PTCD1: variants seen among roughly 807,000 people sequenced by gnomAD.
PTCD1 encodes the protein pentatricopeptide repeat-containing protein 1, mitochondrial.
A neutral mutation model predicts 53.4 loss-of-function variants in PTCD1; 50 were observed. The observed-to-expected ratio is 0.94, with a 90% CI of 0.75 to 1.19. The LOEUF is 1.19. PTCD1 is among the 50% of genes most tolerant of loss of function. The pLI is 0.00. For synonymous variants in PTCD1, 413 were observed against 394.8 expected (o/e 1.05, Z -0.55); for missense variants, 918 against 904.8 (o/e 1.01, Z -0.19).
Position 99,419,678 on chromosome 7 carries a change from A to G in PTCD1, c.*289T>C. 2.9e-6 allele frequency: 2 copies of G among 698,308 alleles called. No individual in the cohort carries two copies. The highest frequency in any genetic ancestry group is 2.9e-5 in the Admixed American group (1 of 34,454). 43.3% of individuals were successfully genotyped at this position (698,308 alleles called of 1,614,324 possible). On this transcript the variant is annotated 3_prime_UTR_variant, in exon 8 of 8. Transcript: ENST00000292478. The stretch of plus-strand genomic sequence containing the variant: ...AACCCGGCGGGGCGGCCCAGGCCCC[A>G]GGGACCAGATGCCCCAGCCCCCTTG...
chr7:99,435,201 G>A lies in PTCD1; in HGVS notation c.42C>T (p.Arg14=). 1 of 1,604,560 alleles carries A rather than the reference G, an allele frequency of 6.2e-7. No homozygotes were observed. Among genetic ancestry groups the A allele is most frequent in the Admixed American group, 1.7e-5 (1 of 60,016 alleles). Reference sequence around the variant, plus strand: ...GTTGCAGGATGAACAGTCCCATGGGGCGGGCCCTGGCGAACAGTCGAGCGA... The same window carrying A: ...GTTGCAGGATGAACAGTCCCATGGGACGGGCCCTGGCGAACAGTCGAGCGA... ...VRLARLFARA[R]PMGLFILQHL... The change falls in exon 2 of 8, where the codon CGC becomes CGT. Residue 14 remains arginine, a synonymous_variant. Transcript: ENST00000292478.
chr7:99,429,872 C>A, intron 3 of PTCD1, 66 bp from the exon 4 acceptor site: 1 of 1,592,666 alleles, frequency 6.3e-7, no homozygotes. Flanking sequence ...AGCAGCTGCC[C>A]CAGAGGAGGC....
chr7:99,429,622 C>T lies in PTCD1; in HGVS notation c.779G>A (p.Cys260Tyr), dbSNP rs1229757859. ...YHALLKMAAK[C>Y]ADLRMCLDVF... Reference sequence around the variant, plus strand: ...ATCGAGGCACATCCTAAGGTCTGCGCACTTGGCAGCCATCTTCAGCAGCGC... The same window carrying T: ...ATCGAGGCACATCCTAAGGTCTGCGTACTTGGCAGCCATCTTCAGCAGCGC... The change falls in exon 4 of 8, where the codon TGC becomes TAC. Residue 260 changes from cysteine to tyrosine, a missense_variant. Physicochemically the swap from Cys to Tyr is radical, Grantham distance 194 (BLOSUM62 -2). Coordinates refer to ENST00000292478, the MANE Select transcript of PTCD1 (RefSeq NM_015545.4). 6.2e-7 allele frequency: 1 copy of T among 1,614,238 alleles called. No homozygotes were observed. The highest frequency in any genetic ancestry group is 8.5e-7 in the Non-Finnish European group (1 of 1,180,048).
intron 3 of PTCD1, among the ~76,000 whole-genome samples, chr7:99,430,127 G>C (rs1796201930): frequency 6.6e-6 from 1 of 152,224 alleles, no homozygotes; most frequent in Non-Finnish European, 1.5e-5. Flanking sequence ...CCCGTCAAGG[G>C]GAAAGGGCCT....
chr7:99,436,769 A>G (rs1796482966), intron 1 of PTCD1, among the ~76,000 whole-genome samples: 1 of 152,212 alleles, frequency 6.6e-6, no homozygotes, highest in Non-Finnish European at 1.5e-5. Flanking sequence ...TGTCCTGACC[A>G]GCACCTTTTG....
At position 99,425,443 on chromosome 7, in the gene PTCD1, T is replaced by C; in HGVS notation, c.1089A>G (p.Pro363=). 1 of 1,613,940 alleles carries C rather than the reference T, an allele frequency of 6.2e-7. No individual in the cohort carries two copies. The highest frequency in any genetic ancestry group is 8.5e-7 in the Non-Finnish European group (1 of 1,180,000). The part of the protein sequence containing the change: ...VLQPPVSRQR[P]RRTAQAKAGN... ...CTGCCTTGGCCTGGGCTGTCCTCCT[T>C]GGCCGCTGCCTGCTCACTGGGGGCT... Residue 363 remains proline (P), a synonymous_variant, in exon 6 of 8, where the codon CCA becomes CCG. Coordinates refer to ENST00000292478, the MANE Select transcript of PTCD1 (RefSeq NM_015545.4).
At position 99,417,919 on chromosome 7, in the gene PTCD1, GT is replaced by G. The variant is rs1488325139; in HGVS notation, c.*2047del. ...GACATCAGGGAAGGACAACCAGTGA[GT>G]TCCTGTCCCTTTCAGTCCTCACAGT... On this transcript the variant is annotated 3_prime_UTR_variant, in exon 8 of 8. Transcript: ENST00000292478. 7.7e-7 allele frequency: 1 copy of G among 1,293,100 alleles called. No individual in the cohort carries two copies. Among genetic ancestry groups the G allele is most frequent in the Non-Finnish European group, 9.9e-7 (1 of 1,009,990 alleles). The allele number at this position is 1,293,100 out of a possible 1,614,324, so 80.1% of individuals were successfully genotyped here. A position where few individuals can be genotyped will look rare whatever the true frequency, so the allele number is the denominator to read the frequency against.
chr7:99,423,750 G>T, intron 7 of PTCD1, 25 bp downstream of exon 7: 1 of 1,613,318 alleles, frequency 6.2e-7, no homozygotes, highest in South Asian at 1.1e-5. Context: ...AGGAGCTGAT[G>T]AGCTTTTGAG....
At chr7:99,428,714 A>G (rs925947068) in intron 5 of PTCD1, among the ~76,000 whole-genome samples, 1 of 152,150 alleles carries the variant, frequency 6.6e-6, no homozygotes, top group African/African-American at 2.4e-5. Flanking sequence ...CAGCCTGGGC[A>G]AGAGTGAGAC....
At chr7:99,434,145 C>G (rs1032985630) in intron 2 of PTCD1, among the ~76,000 whole-genome samples, 3 of 151,420 alleles carry the variant, frequency 2.0e-5, no homozygotes, top group Non-Finnish European at 4.4e-5. Context: ...ACAGGTGGTA[C>G]GAACAAAACT....
intron 3 of PTCD1, among the ~76,000 whole-genome samples, chr7:99,431,810 G>A (rs1796263813): frequency 6.6e-6 from 1 of 152,194 alleles, no homozygotes; most frequent in South Asian, 2.1e-4. Context: ...GAAAGAAGTA[G>A]ACACAAGAAA....
At chr7:99,438,566 C>A in intron 1 of PTCD1, 126 bp downstream of exon 1, 2 of 1,132,116 alleles carry the variant, frequency 1.8e-6, no homozygotes, top group Non-Finnish European at 2.2e-6. Flanking sequence ...TCCACACGGA[C>A]TTCTGCAGCC....
At chr7:99,435,759 C>G (rs183101979) in intron 1 of PTCD1, among the ~76,000 whole-genome samples, 21 of 151,790 alleles carry the variant, frequency 1.4e-4, no homozygotes, top group Admixed American at 3.9e-4. Flanking sequence ...CCTGGCGACA[C>G]CCCATCTCTA....
At position 99,429,551 on chromosome 7, in the gene PTCD1, C is replaced by T. The variant is rs548123836; in HGVS notation, c.813+37G>A. 1.4e-5 allele frequency: 23 copies of T among 1,613,998 alleles called. No homozygotes were observed. The South Asian group carries it at 2.5e-4, about 18-fold the overall frequency. On this transcript the variant is annotated intron_variant, in intron 4 of 7. Coordinates refer to ENST00000292478, the MANE Select transcript of PTCD1 (RefSeq NM_015545.4). ...CCTGCCCCTGACACGTGGGACCAGCCCCATGAAGGGGAGCAGGACGGCAGG... is the reference window on the plus strand; with the variant it reads ...CCTGCCCCTGACACGTGGGACCAGCTCCATGAAGGGGAGCAGGACGGCAGG...
chr7:99,424,065 G>T, intron 6 of PTCD1, 108 bp from the exon 7 acceptor site: 1 of 1,481,090 alleles, frequency 6.8e-7, no homozygotes. Flanking sequence ...GCCAGGGCCA[G>T]CAAGGCAAAC....
intron 4 of PTCD1, 69 bp downstream of exon 4, chr7:99,429,516 ACAC>A: frequency 6.2e-7 from 1 of 1,605,386 alleles, no homozygotes; most frequent in South Asian, 1.1e-5. Flanking sequence ...GGAGAGACAG[ACAC>A]CACAGCCCTG....
At chr7:99,420,434 G>A (rs1035710030) in intron 7 of PTCD1, among the ~76,000 whole-genome samples, 3 of 152,050 alleles carry the variant, frequency 2.0e-5, no homozygotes, top group Admixed American at 1.3e-4. Flanking sequence ...GCCACCCCAG[G>A]CCCCCAAGCC....
chr7:99,435,338 G>A (rs1796418836), intron 1 of PTCD1, 70 bp from the exon 2 acceptor site: 5 of 1,571,584 alleles, frequency 3.2e-6, no homozygotes, highest in Middle Eastern at 1.7e-4. Context: ...AGAAAGAAGT[G>A]GTTACAAGTA....
In PTCD1 at chr7:99,416,996, C is replaced by T; in HGVS notation, c.*2971G>A. ...TGCTGGGATTACAGGTGTGAGGCAC[C>T]TTGCCTGGCCTAAGTACTTTTTTTT... is the stretch of plus-strand genomic sequence containing the variant. On this transcript the variant is annotated 3_prime_UTR_variant, in exon 8 of 8. Transcript: ENST00000292478. 5 of 162,570 alleles carry T rather than the reference C, an allele frequency of 3.1e-5. No homozygotes were observed. The highest frequency in any genetic ancestry group is 1.4e-4 in the South Asian group (1 of 7,208). 10.1% of individuals were successfully genotyped at this position (162,570 alleles called of 1,614,324 possible). A position where few individuals can be genotyped will look rare whatever the true frequency, so the allele number is the denominator to read the frequency against.
Sources: gnomAD v4.1 joint callset for allele counts (sites outside exome capture counted in the v4.1 genomes callset) on GRCh38, gnomAD v4.1.1 for gene constraint, MANE v1.5 for transcripts, NCBI Gene and HGNC (gene_info 2026-07-23, HGNC 2026-07-21) for gene names.